The following ARHGEF18 variants were observed in gnomAD, a reference collection of about 807,000 sequenced individuals.
ARHGEF18 encodes the protein Rho/Rac guanine nucleotide exchange factor 18.
A neutral mutation model predicts 155.7 loss-of-function variants in ARHGEF18; 93 were observed. That is an observed-to-expected ratio of 0.60 (90% CI 0.50 to 0.71). The LOEUF is 0.71. Ranked by LOEUF, ARHGEF18 falls within the 30% of genes least tolerant of loss-of-function variation. The probability of loss-of-function intolerance (pLI) is 0.00; values close to 1 mark genes in which losing one functional copy is unlikely to be tolerated. For missense variants in ARHGEF18, 1,593 were observed against 1,816.1 expected, an observed-to-expected ratio of 0.88 and a Z score of 2.23; for synonymous variants, 742 against 753.1, an observed-to-expected ratio of 0.99 and a Z score of 0.24.
chr19:7,360,497 A>G (rs566823124), intron 1 of ARHGEF18, among the ~76,000 whole-genome samples: 2 of 152,234 alleles, frequency 1.3e-5, no homozygotes, highest in East Asian at 1.9e-4. Flanking sequence ...CGGCCTCCCA[A>G]AGTGCTGGGA....
Position 7,471,652 on chromosome 19 carries a change from G to A in ARHGEF18, c.*1354G>A, listed in dbSNP as rs1305163898. 6.6e-6 allele frequency: 1 copy of A among 152,238 alleles called. No homozygotes were observed. Among genetic ancestry groups the A allele is most frequent in the Non-Finnish European group, 1.5e-5 (1 of 68,082 alleles). 9.4% of individuals were successfully genotyped at this position (152,238 alleles called of 1,614,324 possible). A position where few individuals can be genotyped will look rare whatever the true frequency, so the allele number is the denominator to read the frequency against. On this transcript the variant is annotated 3_prime_UTR_variant, in exon 29 of 29. Transcript: ENST00000668164. This position sits in a 1 kb window ranked among gnomAD's most constrained non-coding sequence, Gnocchi z 4.4. ...AGGCACTCCTGTGACGCTGAATACAGTGAACAGGGACATTCCCGCCACTCG... is the reference window on the plus strand; with the variant it reads ...AGGCACTCCTGTGACGCTGAATACAATGAACAGGGACATTCCCGCCACTCG...
rs1976993126 is a variant in ARHGEF18 at position 7,471,060 on chromosome 19, G to A, written c.*762G>A. 3 of 364,068 alleles carry A rather than the reference G, an allele frequency of 8.2e-6. No homozygotes were observed. Among genetic ancestry groups the A allele is most frequent in the Non-Finnish European group, 1.5e-5 (3 of 204,716 alleles). The allele number at this position is 364,068 out of a possible 1,614,324, so 22.6% of individuals were successfully genotyped here. On this transcript the variant is annotated 3_prime_UTR_variant, in exon 29 of 29. Coordinates refer to ENST00000668164, the MANE Select transcript of ARHGEF18 (RefSeq NM_001367823.1). This position sits in a 1 kb window ranked among gnomAD's most constrained non-coding sequence, Gnocchi z 4.4. ...TGTTTCCCAAACTCTGCTTCCCAAG[G>A]GCAACCGTTGCTGTTCACACGCTCA...
In ARHGEF18 at chr19:7,385,833, ATCTCTCTCTC is replaced by A. The variant is rs762196307; in HGVS notation, c.967+2659_967+2668del. Among the ~76,000 whole-genome samples, 315 of 51,978 alleles carry A rather than the reference ATCTCTCTCTC, an allele frequency of 6.1e-3. 10 individuals carry two copies. In the East Asian group the frequency reaches 0.14, roughly 23 times the overall value. 34.1% of individuals were successfully genotyped at this position (51,978 alleles called of 152,430 possible). On this transcript the variant is annotated intron_variant, in intron 10 of 28. Transcript: ENST00000668164. ...TTAGAGATAGGATCTATCTCTCTCT[ATCTCTCTCTC>A]TCTCTCTCTCTCTCTCTCTCTCTCT...
chr19:7,424,187 C>G (rs896892958), intron 10 of ARHGEF18, among the ~76,000 whole-genome samples: 1 of 151,868 alleles, frequency 6.6e-6, no homozygotes, highest in Non-Finnish European at 1.5e-5. Context: ...CCACCACGCC[C>G]GGCTAATTTT....
Position 7,382,960 on chromosome 19 carries a change from C to T in ARHGEF18, c.825+66C>T, listed in dbSNP as rs1183110851. 1.3e-5 allele frequency: 16 copies of T among 1,232,182 alleles called. No individual in the cohort carries two copies. In the South Asian group the frequency reaches 3.3e-4, roughly 25 times the overall value. 76.3% of individuals were successfully genotyped at this position (1,232,182 alleles called of 1,614,324 possible). A position where few individuals can be genotyped will look rare whatever the true frequency, so the allele number is the denominator to read the frequency against. On this transcript the variant is annotated intron_variant, in intron 9 of 28. Coordinates refer to ENST00000668164, the MANE Select transcript of ARHGEF18 (RefSeq NM_001367823.1). ...CCAGCTTGGCTTGCTGCCCTTAGCC[C>T]GGGAGCCCTGTGACTGGGGCTGGTG...
rs182870718 is a variant in ARHGEF18, at chr19:7,457,335, T to G, written c.2181+932T>G. 1.6e-4 allele frequency among the ~76,000 whole-genome samples: 24 copies of G among 151,066 alleles called. No homozygotes were observed. In the East Asian group the frequency reaches 4.5e-3, roughly 28 times the overall value. On this transcript the variant is annotated intron_variant, in intron 18 of 28. Transcript: ENST00000668164. ...TTTGGGCCCGCCCATATGATCTCATTTTGCCATAATCACCTCTCTTTTTTT... is the reference window on the plus strand; with the variant it reads ...TTTGGGCCCGCCCATATGATCTCATGTTGCCATAATCACCTCTCTTTTTTT...
chr19:7,432,205 G>A (rs1974007094), intron 10 of ARHGEF18, among the ~76,000 whole-genome samples: 1 of 152,136 alleles, frequency 6.6e-6, no homozygotes, highest in Non-Finnish European at 1.5e-5. Context: ...TTCCCAGGTG[G>A]CCGAAAAGGC....
At chr19:7,370,939 C>T (rs1421570396) in intron 2 of ARHGEF18, among the ~76,000 whole-genome samples, 1 of 150,266 alleles carries the variant, frequency 6.7e-6, no homozygotes, top group Admixed American at 6.6e-5. Context: ...GAGACAGGGT[C>T]TTGCTTTGTC....
At chr19:7,423,706 CAA>C (rs752705832) in intron 10 of ARHGEF18, among the ~76,000 whole-genome samples, 28 of 103,094 alleles carry the variant, frequency 2.7e-4, no homozygotes, top group Admixed American at 3.3e-4. Context: ...GACTCTATCT[CAA>C]AAAAAAAAAA....
rs1351530756 is a variant in ARHGEF18 at position 7,367,769 on chromosome 19, ATATACACATATATATATTT to A, written c.15+4869_15+4887del. Among the ~76,000 whole-genome samples, 922 of 126,580 alleles carry A rather than the reference ATATACACATATATATATTT, an allele frequency of 7.3e-3. 22 individuals are homozygous for A. Among genetic ancestry groups the A allele is most frequent in the Non-Finnish European group, 0.011 (693 of 64,040 alleles). 83.0% of individuals were successfully genotyped at this position (126,580 alleles called of 152,430 possible). A position where few individuals can be genotyped will look rare whatever the true frequency, so the allele number is the denominator to read the frequency against. On this transcript the variant is annotated intron_variant, in intron 2 of 28. Transcript: ENST00000668164. ...CTCAAAAAAAAAAAAATATATATAT[ATATACACATATATATATTT>A]TATATATATATACACATATATATAT...
At chr19:7,451,325 G>C in intron 16 of ARHGEF18, 59 bp downstream of exon 16, 1 of 1,427,234 alleles carries the variant, frequency 7.0e-7, no homozygotes, top group Non-Finnish European at 9.8e-7. Context: ...GGCTCTCTCC[G>C]TGTACCCACT....
intron 10 of ARHGEF18, among the ~76,000 whole-genome samples, chr19:7,433,147 C>T (rs947545254): frequency 4.7e-5 from 7 of 147,412 alleles, no homozygotes; most frequent in African/African-American, 1.5e-4. Context: ...GATGATGGAG[C>T]GAGAATGTGT....
rs909533583 is a variant in ARHGEF18 at position 7,412,041 on chromosome 19, C to CT, written c.968-28291dup. 4.6e-3 allele frequency among the ~76,000 whole-genome samples: 600 copies of CT among 130,526 alleles called. 3 individuals carry two copies. Among genetic ancestry groups the CT allele is most frequent in the Non-Finnish European group, 7.0e-3 (418 of 59,334 alleles). The allele number at this position is 130,526 out of a possible 152,430, so 85.6% of individuals were successfully genotyped here. On this transcript the variant is annotated intron_variant, in intron 10 of 28. Transcript: ENST00000668164. ...TTTTGTGTTTTTTTGTTTGGTTTTT[C>CT]TTTTTTTTTTTTGAGATGGAGTCTC...
intron 1 of ARHGEF18, among the ~76,000 whole-genome samples, chr19:7,352,555 A>C (rs1969184200): frequency 1.5e-5 from 1 of 65,936 alleles, no homozygotes; most frequent in African/African-American, 7.8e-5. Flanking sequence ...TTTTTTTGAG[A>C]TGGAATCTCA....
At position 7,395,704 on chromosome 19, in the gene ARHGEF18, C is replaced by T. The variant is rs1028384150; in HGVS notation, c.967+12501C>T. On this transcript the variant is annotated intron_variant, in intron 10 of 28. Transcript: ENST00000668164. This position sits in a 1 kb window ranked among gnomAD's most constrained non-coding sequence, Gnocchi z 5.0. ...GCAGACAGCCCTCCCTGGCAGGGAGCGTTTGGGTGCAAAACCGTGAGAACT... is the reference window on the plus strand; with the variant it reads ...GCAGACAGCCCTCCCTGGCAGGGAGTGTTTGGGTGCAAAACCGTGAGAACT... Among the ~76,000 whole-genome samples the T allele has an allele frequency of 2.0e-5, 3 of 152,156 alleles. No homozygotes were observed. The highest frequency in any genetic ancestry group is 4.8e-5 in the African/African-American group (2 of 41,436).
intron 2 of ARHGEF18, among the ~76,000 whole-genome samples, chr19:7,365,251 A>G (rs1600194015): frequency 6.6e-6 from 1 of 152,168 alleles, no homozygotes; most frequent in East Asian, 1.9e-4. Flanking sequence ...ACGGGGTGAA[A>G]CCCTGTCTCT....
At chr19:7,397,549 C>T (rs1306174852) in intron 10 of ARHGEF18, among the ~76,000 whole-genome samples, 8 of 151,860 alleles carry the variant, frequency 5.3e-5, no homozygotes, top group African/African-American at 1.2e-4. Context: ...CTGGCTAACA[C>T]GGTGAAACCC....
Position 7,466,836 on chromosome 19 carries a change from A to AAAGGAAGAAGAAGAAG in ARHGEF18, c.2905-79_2905-78insGAAGAAGAAGAAGAAG, listed in dbSNP as rs112677825. 335 of 1,094,896 alleles carry AAAGGAAGAAGAAGAAG rather than the reference A, an allele frequency of 3.1e-4. 1 individual carries two copies. Among genetic ancestry groups the AAAGGAAGAAGAAGAAG allele is most frequent in the South Asian group, 9.3e-4 (64 of 68,910 alleles). 67.8% of individuals were successfully genotyped at this position (1,094,896 alleles called of 1,614,324 possible). A position where few individuals can be genotyped will look rare whatever the true frequency, so the allele number is the denominator to read the frequency against. On this transcript the variant is annotated intron_variant, in intron 23 of 28. Transcript: ENST00000668164. ...AAAAAAAAAAAAAAAAGTTAAAAAA[A>AAAGGAAGAAGAAGAAG]AAGAAGAAGAAGAAGAAGGCTTGAG... is the stretch of plus-strand genomic sequence containing the variant.
Position 7,441,732 on chromosome 19 carries a change from A to G in ARHGEF18, c.1186A>G (p.Thr396Ala), listed in dbSNP as rs1974657525. 1 of 1,614,072 alleles carries G rather than the reference A, an allele frequency of 6.2e-7. No homozygotes were observed. The highest frequency in any genetic ancestry group is 1.7e-5 in the Admixed American group (1 of 59,994). The part of the protein sequence containing the change: ...KQTADDSLSL[T>A]SPNTESIFVE... ...GACAGCTGATGACTCTCTGTCCCTT[A>G]CATCTCCAAACACCGAGTCCATTTT... is the stretch of plus-strand genomic sequence containing the variant. Residue 396 changes from threonine to alanine, a missense_variant, in exon 12 of 29, where the codon ACA becomes GCA. Transcript: ENST00000668164.
Sources: gnomAD v4.1 joint callset for allele counts (sites outside exome capture counted in the v4.1 genomes callset) on GRCh38, gnomAD v4.1.1 for gene constraint, Gnocchi (gnomAD v3.1) non-coding constraint, MANE v1.5 for transcripts, NCBI Gene and HGNC (gene_info 2026-07-23, HGNC 2026-07-21) for gene names.